Variants in ADGB observed in about 807,000 individuals in gnomAD.
The protein encoded by ADGB is calpain-7-like protein.
In ADGB, 172 loss-of-function variants were observed where a neutral mutation model predicts 210.5. The observed-to-expected ratio is 0.82, with a 90% CI of 0.72 to 0.93. The LOEUF (loss-of-function observed/expected upper bound fraction) is 0.93, where lower values mean the gene tolerates loss of function less well. ADGB is among the 40% of genes least tolerant of loss of function. ADGB has a pLI of 0.00. For missense variants in ADGB, 2,025 were observed against 1,964.8 expected (o/e 1.03, Z -0.58); for synonymous variants, 658 against 662.7 (o/e 0.99, Z 0.11).
At chr6:146,775,164 A>C (rs1203235194) in intron 29 of ADGB, among the ~76,000 whole-genome samples, 1 of 152,150 alleles carries the variant, frequency 6.6e-6, no homozygotes, top group South Asian at 2.1e-4. Context: ...TGGTGACCTA[A>C]GTTAAATTTG....
chr6:146,785,985 A>G (rs1461933270), intron 32 of ADGB, among the ~76,000 whole-genome samples: 1 of 152,030 alleles, frequency 6.6e-6, no homozygotes, highest in Non-Finnish European at 1.5e-5. Flanking sequence ...AACAAATGAT[A>G]AAACCAGAAA....
At position 146,788,403 on chromosome 6, in the gene ADGB, C is replaced by T. The variant is rs1201998613; in HGVS notation, c.4330C>T (p.Arg1444Cys). The change falls in exon 33 of 36, where the codon CGT becomes TGT. Residue 1444 changes from arginine (R) to cysteine (C), a missense_variant. By Grantham distance (180) the Arg-to-Cys change is radical (BLOSUM62 -3). Coordinates refer to ENST00000397944, the MANE Select transcript of ADGB (RefSeq NM_024694.4). ...KPKEEVETAA[R>C]GVKEPNSKNS... ...TCATGTTGTAGTAGAAACAGCTGCA[C>T]GTGGCGTAAAAGAACCAAACTCAAA... 54 of 1,551,338 alleles carry T rather than the reference C, an allele frequency of 3.5e-5. No homozygotes were observed. The Middle Eastern group carries it at 5.0e-4, about 14-fold the overall frequency.
intron 27 of ADGB, among the ~76,000 whole-genome samples, chr6:146,760,238 T>A (rs1777465365): frequency 6.6e-6 from 1 of 151,890 alleles, no homozygotes; most frequent in African/African-American, 2.4e-5. Context: ...ACCCAGAAGA[T>A]ACTTCAGGCC....
chr6:146,809,475 G>A lies in ADGB; in HGVS notation c.4819-5557G>A, dbSNP rs191149210. On this transcript the variant is annotated intron_variant, in intron 35 of 35. Coordinates refer to ENST00000397944, the MANE Select transcript of ADGB (RefSeq NM_024694.4). ...CCCCCCTCGGCCTCCTAAAATGCTG[G>A]GATTACAGGCTGGAGCCATGGCACC... Among the ~76,000 whole-genome samples, 786 of 152,134 alleles carry A rather than the reference G, an allele frequency of 5.2e-3. 7 individuals are homozygous for A. Among genetic ancestry groups the A allele is most frequent in the Non-Finnish European group, 8.5e-3 (580 of 68,002 alleles).
intron 3 of ADGB, among the ~76,000 whole-genome samples, chr6:146,650,687 C>A (rs533419360): frequency 2.7e-5 from 4 of 147,872 alleles, no homozygotes; most frequent in African/African-American, 5.1e-5. Context: ...AGAGGAGAAG[C>A]CTGTTTTGCT....
chr6:146,726,076 T>A lies in ADGB; in HGVS notation c.2238-7T>A. ...CTCGGTTATCATCCGGCATCCCTTC[T>A]CTTTAGGAGACACATGCTACTCTTC... is the stretch of plus-strand genomic sequence containing the variant. On this transcript the variant is annotated splice_polypyrimidine_tract_variant and splice_region_variant and intron_variant, in intron 18 of 35. Coordinates refer to ENST00000397944, the MANE Select transcript of ADGB (RefSeq NM_024694.4). The A allele has an allele frequency of 6.7e-7, 1 of 1,502,242 alleles. No homozygotes were observed. The highest frequency in any genetic ancestry group is 1.2e-5 in the South Asian group (1 of 80,070). The allele number at this position is 1,502,242 out of a possible 1,614,324, so 93.1% of individuals were successfully genotyped here. A position where few individuals can be genotyped will look rare whatever the true frequency, so the allele number is the denominator to read the frequency against.
intron 13 of ADGB, among the ~76,000 whole-genome samples, chr6:146,707,476 T>G (rs1013608130): frequency 2.0e-5 from 3 of 152,132 alleles, no homozygotes; most frequent in Non-Finnish European, 2.9e-5. Context: ...CTCTCCCCCT[T>G]TAGATCTATT....
rs764026360 is a variant in ADGB, at chr6:146,740,453, T to G, written c.2889-6T>G. 1.3e-6 allele frequency: 2 copies of G among 1,529,772 alleles called. No homozygotes were observed. The highest frequency in any genetic ancestry group is 1.8e-6 in the Non-Finnish European group (2 of 1,136,014). 94.8% of individuals were successfully genotyped at this position (1,529,772 alleles called of 1,614,324 possible). A position where few individuals can be genotyped will look rare whatever the true frequency, so the allele number is the denominator to read the frequency against. On this transcript the variant is annotated splice_region_variant and splice_polypyrimidine_tract_variant and intron_variant, in intron 23 of 35. Coordinates refer to ENST00000397944, the MANE Select transcript of ADGB (RefSeq NM_024694.4). Reference sequence around the variant, plus strand: ...ATTGATACATAATTTATTTTTATATTTCTAGACTAATGTTTAAAAGCAAGT... The same window carrying G: ...ATTGATACATAATTTATTTTTATATGTCTAGACTAATGTTTAAAAGCAAGT...
At chr6:146,735,940 G>T (rs1274593861) in intron 22 of ADGB, among the ~76,000 whole-genome samples, 1 of 152,134 alleles carries the variant, frequency 6.6e-6, no homozygotes, top group Non-Finnish European at 1.5e-5. Flanking sequence ...GTAAATATAT[G>T]AAGATATCAA....
chr6:146,624,055 T>C (rs1324846575), intron 1 of ADGB, among the ~76,000 whole-genome samples: 2 of 151,850 alleles, frequency 1.3e-5, no homozygotes, highest in Non-Finnish European at 2.9e-5. Context: ...ATGTCTTGTC[T>C]GGTTTTGTTT....
intron 29 of ADGB, among the ~76,000 whole-genome samples, chr6:146,772,316 T>C (rs1388376670): frequency 6.6e-6 from 1 of 151,410 alleles, no homozygotes; most frequent in Non-Finnish European, 1.5e-5. Flanking sequence ...TGCTATTGAC[T>C]AGAATTGCTT....
intron 22 of ADGB, 119 bp downstream of exon 22, chr6:146,734,149 A>G (rs1777045431): frequency 9.9e-7 from 1 of 1,010,240 alleles, no homozygotes; most frequent in African/African-American, 1.6e-5. Flanking sequence ...CAGTCCTCTA[A>G]ATAATGAAAT....
intron 27 of ADGB, among the ~76,000 whole-genome samples, chr6:146,757,979 G>A (rs1191007705): frequency 6.6e-6 from 1 of 152,068 alleles, no homozygotes; most frequent in African/African-American, 2.4e-5. Flanking sequence ...TAAGTCACAG[G>A]GAAGTGGGAT....
At chr6:146,666,539 T>G (rs1415354001) in intron 6 of ADGB, among the ~76,000 whole-genome samples, 1 of 151,936 alleles carries the variant, frequency 6.6e-6, no homozygotes. Context: ...TAATATATAA[T>G]GTGAATATAT....
intron 13 of ADGB, among the ~76,000 whole-genome samples, chr6:146,704,845 A>G (rs566384811): frequency 6.6e-6 from 1 of 152,134 alleles, no homozygotes; most frequent in African/African-American, 2.4e-5. Context: ...TTGAATCTGT[A>G]CATTGCTTTG....
intron 13 of ADGB, among the ~76,000 whole-genome samples, chr6:146,715,139 T>C (rs1776714798): frequency 6.6e-6 from 1 of 152,226 alleles, no homozygotes; most frequent in Admixed American, 6.5e-5. Context: ...AATCATTTAG[T>C]AAATTAACAT....
At chr6:146,724,143 A>C in intron 17 of ADGB, 43 bp from the exon 18 acceptor site, 2 of 1,507,022 alleles carry the variant, frequency 1.3e-6, no homozygotes, top group Non-Finnish European at 8.9e-7. Context: ...TGCCAACTAC[A>C]CTTTCATGAT....
intron 33 of ADGB, among the ~76,000 whole-genome samples, chr6:146,800,775 C>T (rs1382495259): frequency 6.6e-6 from 1 of 152,122 alleles, no homozygotes; most frequent in African/African-American, 2.4e-5. Context: ...ATTTATATCC[C>T]AAGCCCGGTA....
intron 3 of ADGB, among the ~76,000 whole-genome samples, chr6:146,645,206 A>T (rs1411697340): frequency 6.6e-6 from 1 of 152,016 alleles, no homozygotes; most frequent in Non-Finnish European, 1.5e-5. Flanking sequence ...CATTCATAGC[A>T]TGGAGGTCTG....
Sources: gnomAD v4.1 joint callset for allele counts (sites outside exome capture counted in the v4.1 genomes callset) on GRCh38, gnomAD v4.1.1 for gene constraint, MANE v1.5 for transcripts, NCBI Gene and HGNC (gene_info 2026-07-23, HGNC 2026-07-21) for gene names.